Variants in NCALD observed in about 807,000 individuals in gnomAD.
The protein encoded by NCALD is neurocalcin delta.
Under a neutral mutation model 18.6 loss-of-function variants are expected in NCALD, and 10 were observed. That is an observed-to-expected ratio of 0.54 (90% CI 0.33 to 0.91). The LOEUF (loss-of-function observed/expected upper bound fraction) is 0.91. Among genes scored for constraint, NCALD ranks in the 40% least tolerant of loss-of-function variants. The probability of loss-of-function intolerance (pLI) is 0.03; values close to 1 mark genes in which losing one functional copy is unlikely to be tolerated. For synonymous variants in NCALD, 88 were observed against 87.4 expected (o/e 1.01, Z -0.04); for missense variants, 184 against 247.6 (o/e 0.74, Z 1.72).
intron 1 of NCALD, among the ~76,000 whole-genome samples, chr8:102,089,887 T>G (rs1468488354): frequency 1.3e-5 from 2 of 152,246 alleles, no homozygotes; most frequent in African/African-American, 4.8e-5. Context: ...AATTAAACAT[T>G]GGACTAAAAG....
At chr8:101,789,675 A>G (rs1670363993) in intron 1 of NCALD, among the ~76,000 whole-genome samples, 1 of 152,212 alleles carries the variant, frequency 6.6e-6, no homozygotes, top group African/African-American at 2.4e-5. Flanking sequence ...TTCTTCTACT[A>G]ATTAAAATAC....
At chr8:101,857,503 T>C (rs192486432) in intron 4 of NCALD, among the ~76,000 whole-genome samples, 1 of 152,310 alleles carries the variant, frequency 6.6e-6, no homozygotes, top group African/African-American at 2.4e-5. Context: ...AATAGGGACT[T>C]CAGACTTCTT....
chr8:101,953,195 C>T (rs1422943364), intron 2 of NCALD, among the ~76,000 whole-genome samples: 5 of 152,146 alleles, frequency 3.3e-5, no homozygotes, highest in African/African-American at 4.8e-5. Flanking sequence ...GGCTCACCCC[C>T]GTCACCCATT....
At chr8:101,780,347 G>T (rs1342984100) in intron 1 of NCALD, among the ~76,000 whole-genome samples, 1 of 152,014 alleles carries the variant, frequency 6.6e-6, no homozygotes, top group Non-Finnish European at 1.5e-5. Context: ...CAGTGTTGTA[G>T]GTCTAAAACA....
intron 2 of NCALD, among the ~76,000 whole-genome samples, chr8:101,996,517 G>A (rs1195137192): frequency 1.3e-5 from 2 of 152,202 alleles, no homozygotes; most frequent in African/African-American, 2.4e-5. Flanking sequence ...TTACTGACAG[G>A]GGTTTTACTC....
chr8:101,965,892 A>C (rs527791812), intron 2 of NCALD, among the ~76,000 whole-genome samples: 8 of 152,328 alleles, frequency 5.3e-5, no homozygotes, highest in Admixed American at 4.6e-4. Flanking sequence ...TTATTCCCAC[A>C]TTACTCATAA....
chr8:102,091,295 T>C (rs950143325), intron 1 of NCALD, among the ~76,000 whole-genome samples: 1 of 152,044 alleles, frequency 6.6e-6, no homozygotes, highest in Non-Finnish European at 1.5e-5. Context: ...CTAGTAAAAA[T>C]GGGAAACTGG....
intron 4 of NCALD, among the ~76,000 whole-genome samples, chr8:101,846,632 T>C (rs1814879153): frequency 6.6e-6 from 1 of 152,196 alleles, no homozygotes. Flanking sequence ...ACTCTGGTGA[T>C]GTCGAGACAA....
At chr8:101,931,645 G>A (rs1362240557) in intron 2 of NCALD, among the ~76,000 whole-genome samples, 4 of 147,748 alleles carry the variant, frequency 2.7e-5, no homozygotes, top group East Asian at 1.9e-4. Context: ...TTCCTTTCTC[G>A]TATTTTCTTT....
chr8:101,925,608 T>G (rs1390863444), intron 2 of NCALD, among the ~76,000 whole-genome samples: 2 of 152,198 alleles, frequency 1.3e-5, no homozygotes, highest in African/African-American at 2.4e-5. Flanking sequence ...ATTTATATGT[T>G]AAATACATAT....
At chr8:102,072,876 T>C (rs999930143) in intron 1 of NCALD, among the ~76,000 whole-genome samples, 4 of 152,190 alleles carry the variant, frequency 2.6e-5, no homozygotes, top group Non-Finnish European at 5.9e-5. Flanking sequence ...ACACATTTTT[T>C]TCATAAGTGT....
At chr8:101,817,777 G>A (rs1026937656) in intron 4 of NCALD, among the ~76,000 whole-genome samples, 1 of 152,144 alleles carries the variant, frequency 6.6e-6, no homozygotes, top group Non-Finnish European at 1.5e-5. Context: ...GCAGCATTCT[G>A]AGGAAATGCT....
At chr8:101,760,047 G>A (rs1474550432) in intron 1 of NCALD, among the ~76,000 whole-genome samples, 1 of 152,156 alleles carries the variant, frequency 6.6e-6, no homozygotes, top group Non-Finnish European at 1.5e-5. Flanking sequence ...GCTGACCCAA[G>A]GTTATGGCTC....
intron 1 of NCALD, 89 bp from the exon 2 acceptor site, chr8:101,719,737 G>GA: frequency 2.4e-6 from 3 of 1,276,454 alleles, no homozygotes; most frequent in East Asian, 2.4e-5. Flanking sequence ...TTGGGAAGAA[G>GA]AAAAAACAAA....
chr8:101,981,952 G>A (rs1174046095), intron 2 of NCALD, among the ~76,000 whole-genome samples: 1 of 152,136 alleles, frequency 6.6e-6, no homozygotes, highest in African/African-American at 2.4e-5. Flanking sequence ...CCTATGAATG[G>A]CTTGGTTCCC....
intron 2 of NCALD, among the ~76,000 whole-genome samples, chr8:101,998,494 A>G (rs1821320072): frequency 6.6e-6 from 1 of 152,070 alleles, no homozygotes; most frequent in Non-Finnish European, 1.5e-5. Context: ...GGGGAGTGGG[A>G]GCAGTGCAAT....
intron 2 of NCALD, among the ~76,000 whole-genome samples, chr8:101,709,270 T>A (rs1203323868): frequency 6.6e-6 from 1 of 152,224 alleles, no homozygotes; most frequent in Non-Finnish European, 1.5e-5. Context: ...GGATATTTCC[T>A]GTTACAGCTG....
At chr8:102,112,363 G>C (rs1302587855) in intron 1 of NCALD, among the ~76,000 whole-genome samples, 1 of 152,152 alleles carries the variant, frequency 6.6e-6, no homozygotes, top group African/African-American at 2.4e-5. Flanking sequence ...ACCAAAACCG[G>C]ATTAATCCAG....
intron 2 of NCALD, among the ~76,000 whole-genome samples, chr8:101,991,422 C>T (rs1821043408): frequency 6.6e-6 from 1 of 152,188 alleles, no homozygotes; most frequent in Admixed American, 6.5e-5. Flanking sequence ...ATCACAGAGA[C>T]TTTAACCTTA....
Sources: allele counts gnomAD v4.1 joint callset (sites outside exome capture counted in the v4.1 genomes callset), GRCh38; gene constraint gnomAD v4.1.1; transcripts MANE v1.5; gene names NCBI Gene and HGNC (gene_info 2026-07-23, HGNC 2026-07-21).